The following SH3GL2 variants were observed in gnomAD, a reference collection of about 807,000 sequenced individuals.
SH3GL2 encodes endophilin-A1.
SH3GL2 carries 24 observed loss-of-function variants against 46.0 expected under a neutral mutation model. That is an observed-to-expected ratio of 0.52 (90% CI 0.38 to 0.73). The LOEUF is 0.73. Among genes scored for constraint, SH3GL2 ranks in the 30% least tolerant of loss-of-function variants. The probability of loss-of-function intolerance (pLI) is 0.00; values close to 1 mark genes in which losing one functional copy is unlikely to be tolerated. For missense variants in SH3GL2, 413 were observed against 424.2 expected (o/e 0.97, Z 0.23); for synonymous variants, 196 against 147.1 (o/e 1.33, Z -2.40).
intron 1 of SH3GL2, among the ~76,000 whole-genome samples, chr9:17,638,527 A>G (rs190149481): frequency 2.6e-4 from 39 of 152,318 alleles, no homozygotes; most frequent in African/African-American, 9.1e-4. Context: ...GGAGTGATAG[A>G]AAATTATTTT....
In SH3GL2 at chr9:17,789,332, C is replaced by G. The variant is rs543233460; in HGVS notation, c.466-60C>G. The G allele has an allele frequency of 7.1e-6, 10 of 1,402,644 alleles. No individual in the cohort carries two copies. In the African/African-American group the frequency reaches 1.0e-4, roughly 14 times the overall value. The allele number at this position is 1,402,644 out of a possible 1,614,324, so 86.9% of individuals were successfully genotyped here. Reference sequence around the variant, plus strand: ...TTAATGGACGTGATGGAGAAGTGAGCTCAAATAAGCCTTTTCCATAAGCCC... The same window carrying G: ...TTAATGGACGTGATGGAGAAGTGAGGTCAAATAAGCCTTTTCCATAAGCCC... On this transcript the variant is annotated intron_variant, in intron 5 of 8. Transcript: ENST00000380607.
At chr9:17,724,217 A>G (rs1041670006) in intron 1 of SH3GL2, among the ~76,000 whole-genome samples, 9 of 152,014 alleles carry the variant, frequency 5.9e-5, no homozygotes, top group Non-Finnish European at 1.2e-4. Context: ...GCCTTCATGT[A>G]TCATCAGGTT....
At chr9:17,708,358 A>G (rs972346292) in intron 1 of SH3GL2, among the ~76,000 whole-genome samples, 3 of 151,742 alleles carry the variant, frequency 2.0e-5, no homozygotes, top group Non-Finnish European at 2.9e-5. Flanking sequence ...TCATTTTTTG[A>G]TTTTGACTCT....
At position 17,770,012 on chromosome 9, in the gene SH3GL2, C is replaced by G. The variant is rs1823425545; in HGVS notation, c.187+8503C>G. Among the ~76,000 whole-genome samples the G allele has an allele frequency of 3.9e-5, 6 of 152,278 alleles. No individual in the cohort carries two copies. The South Asian group carries it at 1.2e-3, about 32-fold the overall frequency. On this transcript the variant is annotated intron_variant, in intron 3 of 8. Transcript: ENST00000380607. ...TGATTAATTTGCTTAATGAATGAAT[C>G]AAATCATGTGAAGCATACATAAGCT...
rs1475720072 is a variant in SH3GL2 at position 17,738,297 on chromosome 9, A to T, written c.46-8769A>T. ...AAAATAACCCTAATCTGAAAAAAAAATGTGTCATGGCATTTTCTTTTTAAG... is the reference window on the plus strand; with the variant it reads ...AAAATAACCCTAATCTGAAAAAAAATTGTGTCATGGCATTTTCTTTTTAAG... On this transcript the variant is annotated intron_variant, in intron 1 of 8. Transcript: ENST00000380607. Among the ~76,000 whole-genome samples the T allele has an allele frequency of 4.0e-5, 6 of 151,752 alleles. 1 individual carries two copies.
chr9:17,719,670 G>A lies in SH3GL2; in HGVS notation c.46-27396G>A, dbSNP rs200454386. On this transcript the variant is annotated intron_variant, in intron 1 of 8. Coordinates refer to ENST00000380607, the MANE Select transcript of SH3GL2 (RefSeq NM_003026.5). ...TATCTTGGCATGGTGGCATGCACCT[G>A]TGGTCCTGGCTATTTGGGAGGCTGA... Among the ~76,000 whole-genome samples the A allele has an allele frequency of 3.3e-5, 5 of 152,086 alleles. No individual in the cohort carries two copies. In the East Asian group the frequency reaches 7.8e-4, roughly 24 times the overall value.
At chr9:17,597,845 C>T (rs1818602489) in intron 1 of SH3GL2, among the ~76,000 whole-genome samples, 1 of 152,138 alleles carries the variant, frequency 6.6e-6, no homozygotes, top group Non-Finnish European at 1.5e-5. Flanking sequence ...TGATTGAGGG[C>T]CAGTTTTTCC....
chr9:17,687,582 T>G (rs1054241441), intron 1 of SH3GL2, among the ~76,000 whole-genome samples: 1 of 152,122 alleles, frequency 6.6e-6, no homozygotes. Context: ...AGTATAGTCC[T>G]GAAGTTCTAA....
chr9:17,644,490 C>T (rs117360241), intron 1 of SH3GL2, among the ~76,000 whole-genome samples: 12 of 152,238 alleles, frequency 7.9e-5, no homozygotes, highest in East Asian at 1.9e-4. Flanking sequence ...CCTGTAAACA[C>T]GCTTTGGCTG....
At chr9:17,661,120 C>T (rs1820201196) in intron 1 of SH3GL2, among the ~76,000 whole-genome samples, 1 of 152,152 alleles carries the variant, frequency 6.6e-6, no homozygotes. Context: ...CGAGATTGTA[C>T]CACTGCACTC....
intron 3 of SH3GL2, among the ~76,000 whole-genome samples, chr9:17,761,973 C>A (rs537187901): frequency 8.0e-4 from 122 of 152,256 alleles, no homozygotes; most frequent in African/African-American, 2.8e-3. Context: ...GATCTTGATT[C>A]TGATTCTTCT....
chr9:17,677,529 T>G (rs1588229432), intron 1 of SH3GL2, among the ~76,000 whole-genome samples: 1 of 152,076 alleles, frequency 6.6e-6, no homozygotes, highest in East Asian at 1.9e-4. Context: ...ACACCAAATC[T>G]CTTTTTTTAA....
intron 1 of SH3GL2, among the ~76,000 whole-genome samples, chr9:17,612,651 AAGC>A (rs1405657620): frequency 2.6e-4 from 39 of 152,130 alleles, no homozygotes; most frequent in Non-Finnish European, 1.8e-4. Flanking sequence ...TTACTTGAAA[AAGC>A]AGCTCACTGA....
chr9:17,761,994 C>T (rs1823188404), intron 3 of SH3GL2, among the ~76,000 whole-genome samples: 1 of 152,096 alleles, frequency 6.6e-6, no homozygotes, highest in African/African-American at 2.4e-5. Context: ...CCAAGCACAT[C>T]ACAGATCAGC....
At chr9:17,677,192 A>G (rs538209353) in intron 1 of SH3GL2, among the ~76,000 whole-genome samples, 1 of 152,252 alleles carries the variant, frequency 6.6e-6, no homozygotes, top group African/African-American at 2.4e-5. Context: ...TCCTGAAAAG[A>G]TACAGCTGTA....
At position 17,579,108 on chromosome 9, in the gene SH3GL2, C is replaced by A; in HGVS notation, c.-135C>A. ...CAAGAGCCCGTGTCCCGCTAGGCTC[C>A]GCGCCCTCGCGCCCATAGCCCCGGC... On this transcript the variant is annotated 5_prime_UTR_variant, in exon 1 of 9. Transcript: ENST00000380607. 5.7e-6 allele frequency: 3 copies of A among 528,186 alleles called. No homozygotes were observed. The highest frequency in any genetic ancestry group is 3.2e-6 in the Non-Finnish European group (1 of 314,768). 32.7% of individuals were successfully genotyped at this position (528,186 alleles called of 1,614,324 possible). A position where few individuals can be genotyped will look rare whatever the true frequency, so the allele number is the denominator to read the frequency against.
intron 1 of SH3GL2, among the ~76,000 whole-genome samples, chr9:17,700,282 T>A (rs1205808912): frequency 6.6e-6 from 1 of 152,214 alleles, no homozygotes; most frequent in Non-Finnish European, 1.5e-5. Flanking sequence ...CTTACCATAT[T>A]TGAAGGAATG....
chr9:17,697,199 C>G (rs1371741737), intron 1 of SH3GL2, among the ~76,000 whole-genome samples: 1 of 151,860 alleles, frequency 6.6e-6, no homozygotes, highest in Non-Finnish European at 1.5e-5. Flanking sequence ...TTTGCACCTT[C>G]AACTTGAGCA....
rs1824190318 is a variant in SH3GL2 at position 17,793,415 on chromosome 9, A to C, written c.777A>C (p.Pro259=). The stretch of plus-strand genomic sequence containing the variant: ...CTAGAAGGGAATATCAACCTAAACC[A>C]CGAATGAGCCTGGAGTTTCCAACTG... ...SQPRREYQPK[P]RMSLEFPTGD... The change falls in exon 8 of 9, where the codon CCA becomes CCC. Residue 259 remains proline, a synonymous_variant. Transcript: ENST00000380607. 6.8e-6 allele frequency: 11 copies of C among 1,612,678 alleles called. No individual in the cohort carries two copies. In the East Asian group the frequency reaches 2.5e-4, roughly 36 times the overall value.
Sources: allele counts gnomAD v4.1 joint callset (sites outside exome capture counted in the v4.1 genomes callset), GRCh38; gene constraint gnomAD v4.1.1; transcripts MANE v1.5; gene names NCBI Gene and HGNC (gene_info 2026-07-23, HGNC 2026-07-21).